Variants in RBM27 observed in about 807,000 individuals in gnomAD.
RBM27 encodes the protein RNA binding motif protein 27.
RBM27 carries 22 observed loss-of-function variants against 135.3 expected under a neutral mutation model. The observed-to-expected ratio is 0.16, with a 90% CI of 0.12 to 0.23. The LOEUF (loss-of-function observed/expected upper bound fraction) is 0.23. Ranked by LOEUF, RBM27 falls within the 10% of genes least tolerant of loss-of-function variation. RBM27 has a pLI of 1.00. For synonymous variants in RBM27, 481 were observed against 442.4 expected, an observed-to-expected ratio of 1.09 and a Z score of -1.10; for missense variants, 1,009 against 1,281.0, an observed-to-expected ratio of 0.79 and a Z score of 3.24.
chr5:146,276,413 C>A (rs896663464), intron 19 of RBM27, among the ~76,000 whole-genome samples: 1 of 152,002 alleles, frequency 6.6e-6, no homozygotes, highest in Non-Finnish European at 1.5e-5. Context: ...TTATATAATT[C>A]GTTATAATTT....
chr5:146,234,624 A>G (rs1158982490), intron 7 of RBM27, among the ~76,000 whole-genome samples: 2 of 152,242 alleles, frequency 1.3e-5, no homozygotes, highest in Admixed American at 6.5e-5. Context: ...CCAATATAGT[A>G]GAAATAGAAG....
intron 14 of RBM27, among the ~76,000 whole-genome samples, chr5:146,263,965 G>T (rs549029049): frequency 2.2e-4 from 33 of 151,822 alleles, no homozygotes; most frequent in African/African-American, 7.5e-4. Context: ...AAATTAGCTG[G>T]GCGTGGTGGC....
chr5:146,271,367 T>G (rs1758855299), intron 18 of RBM27, 116 bp from the exon 19 acceptor site: 1 of 994,634 alleles, frequency 1.0e-6, no homozygotes, highest in Non-Finnish European at 1.4e-6. Flanking sequence ...GCCATTGCAC[T>G]CGAGCCTAGG....
At chr5:146,244,705 A>G (rs1051685111) in intron 8 of RBM27, among the ~76,000 whole-genome samples, 1 of 151,078 alleles carries the variant, frequency 6.6e-6, no homozygotes, top group South Asian at 2.1e-4. Context: ...ATGCCCAGCT[A>G]ATTTTTTAAA....
At chr5:146,284,203 G>T (rs1581251795) in intron 19 of RBM27, among the ~76,000 whole-genome samples, 1 of 152,290 alleles carries the variant, frequency 6.6e-6, no homozygotes, top group East Asian at 1.9e-4. Flanking sequence ...AGGTGGGGCT[G>T]TGAGAGATGC....
chr5:146,254,044 A>T (rs868851475), intron 9 of RBM27, among the ~76,000 whole-genome samples: 1 of 152,226 alleles, frequency 6.6e-6, no homozygotes, highest in African/African-American at 2.4e-5. Context: ...AACCAAATGA[A>T]TACATTTTCT....
rs1755483086 is a variant in RBM27, at chr5:146,203,676, G to C, written c.-90G>C. On this transcript the variant is annotated 5_prime_UTR_variant, in exon 1 of 21. Transcript: ENST00000265271. ...GATGCCCGGTGGGCTGGGGCACCGG[G>C]AGCTGTGAAGGGAACGTGAGGGGGC... is the stretch of plus-strand genomic sequence containing the variant. 3.3e-6 allele frequency: 4 copies of C among 1,222,478 alleles called. No individual in the cohort carries two copies. Among genetic ancestry groups the C allele is most frequent in the Non-Finnish European group, 2.3e-6 (2 of 853,788 alleles). The allele number at this position is 1,222,478 out of a possible 1,614,324, so 75.7% of individuals were successfully genotyped here. A position where few individuals can be genotyped will look rare whatever the true frequency, so the allele number is the denominator to read the frequency against.
chr5:146,246,349 A>G (rs1417767901), intron 8 of RBM27, among the ~76,000 whole-genome samples: 1 of 152,224 alleles, frequency 6.6e-6, no homozygotes, highest in East Asian at 1.9e-4. Flanking sequence ...AATATTAAGA[A>G]GTTGAAAATA....
intron 3 of RBM27, among the ~76,000 whole-genome samples, chr5:146,228,406 C>T (rs1181971758): frequency 6.6e-6 from 1 of 151,284 alleles, no homozygotes; most frequent in Non-Finnish European, 1.5e-5. Flanking sequence ...CTCAGCCTCC[C>T]GAGTAGCTGG....
chr5:146,207,010 T>C (rs567241860), intron 1 of RBM27, among the ~76,000 whole-genome samples: 46 of 152,346 alleles, frequency 3.0e-4, no homozygotes, highest in African/African-American at 1.1e-3. Context: ...ATTTTTTGTT[T>C]GTTTAGATAT....
At position 146,288,467 on chromosome 5, in the gene RBM27, C is replaced by T. The variant is rs2126936181; in HGVS notation, c.*2437C>T. 1.3e-5 allele frequency: 2 copies of T among 152,116 alleles called. No homozygotes were observed. Among genetic ancestry groups the T allele is most frequent in the Middle Eastern group, 6.8e-3 (2 of 294 alleles). 9.4% of individuals were successfully genotyped at this position (152,116 alleles called of 1,614,324 possible). A position where few individuals can be genotyped will look rare whatever the true frequency, so the allele number is the denominator to read the frequency against. On this transcript the variant is annotated 3_prime_UTR_variant, in exon 21 of 21. Coordinates refer to ENST00000265271, the MANE Select transcript of RBM27 (RefSeq NM_018989.2). Reference sequence around the variant, plus strand: ...AATTTGAAGTGAGTTAATTATAATACTGGAAAACTTCAGGTTAGCATAAAA... The same window carrying T: ...AATTTGAAGTGAGTTAATTATAATATTGGAAAACTTCAGGTTAGCATAAAA...
At chr5:146,207,925 A>C (rs1329804396) in intron 1 of RBM27, among the ~76,000 whole-genome samples, 1 of 135,300 alleles carries the variant, frequency 7.4e-6, no homozygotes, top group Non-Finnish European at 1.5e-5. Flanking sequence ...GATTACAGGC[A>C]TGAGCCACCA....
chr5:146,204,889 C>G (rs1328769638), intron 1 of RBM27, among the ~76,000 whole-genome samples: 1 of 151,906 alleles, frequency 6.6e-6, no homozygotes, highest in Non-Finnish European at 1.5e-5. Flanking sequence ...GATGTATCAA[C>G]ATTTTGTTTT....
At chr5:146,260,988 G>A in intron 12 of RBM27, 90 bp downstream of exon 12, 1 of 1,286,382 alleles carries the variant, frequency 7.8e-7, no homozygotes. Context: ...ATGAGTCAGT[G>A]GTTATTCTGA....
rs73303457 is a variant in RBM27, at chr5:146,277,967, A to G, written c.2988+6293A>G. Among the ~76,000 whole-genome samples, 1,345 of 152,250 alleles carry G rather than the reference A, an allele frequency of 8.8e-3. 25 individuals are homozygous for G. Among genetic ancestry groups the G allele is most frequent in the African/African-American group, 0.029 (1,221 of 41,526 alleles). On this transcript the variant is annotated intron_variant, in intron 19 of 20. Coordinates refer to ENST00000265271, the MANE Select transcript of RBM27 (RefSeq NM_018989.2). ...AATACCTGCTAGAGTGATGTCTCCAATTGAGAACCACTGCTTTAGGTAAAT... is the reference window on the plus strand; with the variant it reads ...AATACCTGCTAGAGTGATGTCTCCAGTTGAGAACCACTGCTTTAGGTAAAT...
chr5:146,250,223 G>A (rs1561548118), intron 8 of RBM27, among the ~76,000 whole-genome samples: 1 of 152,156 alleles, frequency 6.6e-6, no homozygotes, highest in East Asian at 1.9e-4. Flanking sequence ...GGCAGATCAC[G>A]AGGTCAGGGG....
chr5:146,261,846 A>G, intron 13 of RBM27, 40 bp downstream of exon 13: 1 of 1,605,698 alleles, frequency 6.2e-7, no homozygotes, highest in Non-Finnish European at 8.5e-7. Context: ...TTTTAGTTAC[A>G]CCCTCTAGAT....
chr5:146,229,860 G>A lies in RBM27; in HGVS notation c.539G>A (p.Arg180Lys). ...RSKSRGLSRS[R>K]SRSRGRSKDR... ...AAGAGTCGAGGCCTGAGTCGCAGTA[G>A]AAGCCGAAGTAGGGGGCGCAGCAAA... The change falls in exon 5 of 21, where the codon AGA becomes AAA. Residue 180 changes from arginine to lysine, a missense_variant. Physicochemically the swap from Arg to Lys is conservative, Grantham distance 26 (BLOSUM62 2). Coordinates refer to ENST00000265271, the MANE Select transcript of RBM27 (RefSeq NM_018989.2). 1.2e-6 allele frequency: 2 copies of A among 1,614,008 alleles called. No homozygotes were observed. Among genetic ancestry groups the A allele is most frequent in the Non-Finnish European group, 1.7e-6 (2 of 1,179,938 alleles).
Position 146,289,085 on chromosome 5 carries a change from A to C in RBM27, c.*3055A>C, listed in dbSNP as rs995864424. ...ATTACAATCTGAATTTCTAAGAAGC[A>C]TGTTGACTTTTGCAATAAAGATGCA... On this transcript the variant is annotated 3_prime_UTR_variant, in exon 21 of 21. Transcript: ENST00000265271. The C allele has an allele frequency of 1.3e-5, 2 of 152,074 alleles. No individual in the cohort carries two copies. Among genetic ancestry groups the C allele is most frequent in the Non-Finnish European group, 2.9e-5 (2 of 67,950 alleles). 9.4% of individuals were successfully genotyped at this position (152,074 alleles called of 1,614,324 possible). A position where few individuals can be genotyped will look rare whatever the true frequency, so the allele number is the denominator to read the frequency against.
Sources: gnomAD v4.1 joint callset for allele counts (sites outside exome capture counted in the v4.1 genomes callset) on GRCh38, gnomAD v4.1.1 for gene constraint, MANE v1.5 for transcripts, NCBI Gene and HGNC (gene_info 2026-07-23, HGNC 2026-07-21) for gene names.